ZDHHC14: variants seen among roughly 807,000 people sequenced by gnomAD.
ZDHHC14 encodes palmitoyltransferase ZDHHC14.
Under a neutral mutation model 47.7 loss-of-function variants are expected in ZDHHC14, and 16 were observed. The ratio of observed to expected loss-of-function variants is 0.34; its 90% CI spans 0.23 to 0.51. The LOEUF (loss-of-function observed/expected upper bound fraction) is 0.51, where lower values mean the gene tolerates loss of function less well. Among genes scored for constraint, ZDHHC14 ranks in the 20% least tolerant of loss-of-function variants. The probability of loss-of-function intolerance (pLI) is 0.97; values close to 1 mark genes in which losing one functional copy is unlikely to be tolerated. For missense variants in ZDHHC14, 515 were observed against 662.5 expected, an observed-to-expected ratio of 0.78 and a Z score of 2.44; for synonymous variants, 293 against 278.9, an observed-to-expected ratio of 1.05 and a Z score of -0.50.
intron 2 of ZDHHC14, among the ~76,000 whole-genome samples, chr6:157,556,713 G>GC (rs11381523): frequency 0.29 from 44,127 of 152,156 alleles, 7,234 homozygotes; most frequent in African/African-American, 0.43. Flanking sequence ...CAGAGCCGAG[G>GC]CCCCGGGGCT....
At chr6:157,495,184 A>G (rs1780029721) in intron 1 of ZDHHC14, among the ~76,000 whole-genome samples, 2 of 152,142 alleles carry the variant, frequency 1.3e-5, no homozygotes, top group Non-Finnish European at 2.9e-5. Flanking sequence ...CTCACTAAGC[A>G]CTGATGAGAT....
Position 157,453,298 on chromosome 6 carries a change from G to A in ZDHHC14, c.245+71032G>A, listed in dbSNP as rs113387919. Among the ~76,000 whole-genome samples the A allele has an allele frequency of 5.6e-3, 851 of 152,160 alleles. 5 individuals carry two copies. The highest frequency in any genetic ancestry group is 0.019 in the African/African-American group (800 of 41,498). On this transcript the variant is annotated intron_variant, in intron 1 of 8. Transcript: ENST00000359775. ...TTTACTTTGAAGCTTTATCAAATTC[G>A]AATGACAGGGTATCAATACCCAAAA...
chr6:157,417,979 A>C (rs1481772867), intron 1 of ZDHHC14, among the ~76,000 whole-genome samples: 4 of 151,132 alleles, frequency 2.6e-5, no homozygotes, highest in African/African-American at 9.7e-5. Context: ...AAGACGAAGA[A>C]GCCCAGGGTC....
chr6:157,570,826 T>TACACACACACAC (rs1783073377), intron 2 of ZDHHC14, among the ~76,000 whole-genome samples: 1 of 151,734 alleles, frequency 6.6e-6, no homozygotes, highest in Non-Finnish European at 1.5e-5. Flanking sequence ...CATATATATA[T>TACACACACACAC]ATATACACAC....
intron 1 of ZDHHC14, among the ~76,000 whole-genome samples, chr6:157,537,136 A>G (rs532963676): frequency 3.3e-5 from 5 of 152,272 alleles, no homozygotes; most frequent in African/African-American, 9.6e-5. Flanking sequence ...CTTTTTAATG[A>G]CCAATATCAA....
chr6:157,606,137 A>G (rs1784531949), intron 3 of ZDHHC14, among the ~76,000 whole-genome samples: 1 of 152,100 alleles, frequency 6.6e-6, no homozygotes. Context: ...CAGACCGGGC[A>G]TTTTCCCCTT....
intron 1 of ZDHHC14, among the ~76,000 whole-genome samples, chr6:157,456,821 C>T (rs940122336): frequency 1.3e-5 from 2 of 152,036 alleles, no homozygotes; most frequent in African/African-American, 4.8e-5. Flanking sequence ...GTAACGTTTT[C>T]ATTAGTAATC....
chr6:157,409,462 A>G (rs1777829918), intron 1 of ZDHHC14, among the ~76,000 whole-genome samples: 1 of 152,166 alleles, frequency 6.6e-6, no homozygotes, highest in Non-Finnish European at 1.5e-5. Flanking sequence ...GTGTTCTCTT[A>G]GGTGACCTTT....
In ZDHHC14 at chr6:157,677,970, G is replaced by A. The variant is rs955184738; in HGVS notation, c.*4848G>A. 2 of 149,888 alleles carry A rather than the reference G, an allele frequency of 1.3e-5. No individual in the cohort carries two copies. 9.3% of individuals were successfully genotyped at this position (149,888 alleles called of 1,614,324 possible). A position where few individuals can be genotyped will look rare whatever the true frequency, so the allele number is the denominator to read the frequency against. ...AAAAAAAGCATTTTAAACTCTTAGT[G>A]AATTCAAAGCTCTAAATCCAAACAA... On this transcript the variant is annotated 3_prime_UTR_variant, in exon 9 of 9. Coordinates refer to ENST00000359775, the MANE Select transcript of ZDHHC14 (RefSeq NM_024630.3).
Position 157,540,910 on chromosome 6 carries a change from G to GTGTGTGTGTGTGTGTGTA in ZDHHC14, c.246-1674_246-1673insGTGTGTGTGTGTGTGTAT, listed in dbSNP as rs1284429244. Among the ~76,000 whole-genome samples the GTGTGTGTGTGTGTGTGTA allele has an allele frequency of 7.2e-3, 880 of 122,676 alleles. 6 individuals are homozygous for GTGTGTGTGTGTGTGTGTA. Among genetic ancestry groups the GTGTGTGTGTGTGTGTGTA allele is most frequent in the African/African-American group, 0.027 (625 of 22,880 alleles). The allele number at this position is 122,676 out of a possible 152,430, so 80.5% of individuals were successfully genotyped here. ...TGTATGTGTGTGTGTGTGTGTGTGT[G>GTGTGTGTGTGTGTGTGTA]TATATATATATATATATATATATAA... On this transcript the variant is annotated intron_variant, in intron 1 of 8. Coordinates refer to ENST00000359775, the MANE Select transcript of ZDHHC14 (RefSeq NM_024630.3).
intron 1 of ZDHHC14, among the ~76,000 whole-genome samples, chr6:157,407,086 C>T (rs150540098): frequency 2.6e-5 from 4 of 152,336 alleles, no homozygotes; most frequent in East Asian, 3.9e-4. Flanking sequence ...GAATTTTATA[C>T]GTCTCACTAG....
intron 1 of ZDHHC14, among the ~76,000 whole-genome samples, chr6:157,484,431 C>CGTATATATACATATATATGTATATGT (rs1366657003): frequency 1.2e-4 from 17 of 142,464 alleles, no homozygotes; most frequent in Admixed American, 5.0e-4. Context: ...CATATATATA[C>CGTATATATACATATATATGTATATGT]GTATATATAC....
intron 1 of ZDHHC14, among the ~76,000 whole-genome samples, chr6:157,454,353 CCT>C (rs1778865931): frequency 1.3e-5 from 2 of 152,198 alleles, no homozygotes; most frequent in Admixed American, 1.3e-4. Flanking sequence ...GGAGTAATTC[CCT>C]GTTATCTCTC....
intron 2 of ZDHHC14, among the ~76,000 whole-genome samples, chr6:157,560,813 C>A (rs1458317050): frequency 2.0e-5 from 3 of 152,192 alleles, no homozygotes; most frequent in Non-Finnish European, 4.4e-5. Context: ...TAATGGGATC[C>A]CACGGCCTTG....
At chr6:157,511,547 C>CTTTTTTTTTTTTTTTTTTTTTTTTTTTTT (rs34988240) in intron 1 of ZDHHC14, among the ~76,000 whole-genome samples, 2 of 114,924 alleles carry the variant, frequency 1.7e-5, no homozygotes, top group Admixed American at 9.9e-5. Context: ...AGCCCGGGTA[C>CTTTTTTTTTTTTTTTTTTTTTTTTTTTTT]TTTTTTTTTT....
chr6:157,505,024 G>C (rs1780292622), intron 1 of ZDHHC14, among the ~76,000 whole-genome samples: 1 of 152,000 alleles, frequency 6.6e-6, no homozygotes, highest in African/African-American at 2.4e-5. Context: ...TGGCCATGCT[G>C]GTCTTGAACA....
chr6:157,446,747 T>C (rs1583652252), intron 1 of ZDHHC14, among the ~76,000 whole-genome samples: 1 of 152,208 alleles, frequency 6.6e-6, no homozygotes. Context: ...ATATTGGCTG[T>C]ATTACACAAT....
At chr6:157,671,911 C>T (rs1025962530) in intron 8 of ZDHHC14, among the ~76,000 whole-genome samples, 6 of 152,132 alleles carry the variant, frequency 3.9e-5, no homozygotes, top group African/African-American at 1.4e-4. Context: ...GTATTAAGTC[C>T]GTTGATGTTG....
In ZDHHC14 at chr6:157,598,790, G is replaced by A. The variant is rs534303626; in HGVS notation, c.565+5644G>A. On this transcript the variant is annotated intron_variant, in intron 3 of 8. Coordinates refer to ENST00000359775, the MANE Select transcript of ZDHHC14 (RefSeq NM_024630.3). Reference sequence around the variant, plus strand: ...GTATAATAAATGTATGTTGAACTTCGTTTTTACAAAGTGTACTTACCATGT... The same window carrying A: ...GTATAATAAATGTATGTTGAACTTCATTTTTACAAAGTGTACTTACCATGT... Among the ~76,000 whole-genome samples, 74 of 152,234 alleles carry A rather than the reference G, an allele frequency of 4.9e-4. 1 individual carries two copies. The highest frequency in any genetic ancestry group is 1.7e-3 in the African/African-American group (70 of 41,534).
Sources: gnomAD v4.1 joint callset for allele counts (sites outside exome capture counted in the v4.1 genomes callset) on GRCh38, gnomAD v4.1.1 for gene constraint, MANE v1.5 for transcripts, NCBI Gene and HGNC (gene_info 2026-07-23, HGNC 2026-07-21) for gene names.